The following PLCXD3 variants were observed in gnomAD, a reference collection of about 807,000 sequenced individuals.
PLCXD3 encodes the protein phosphatidylinositol specific phospholipase C X domain containing 3, also known as PI-PLC X domain-containing protein 3.
A neutral mutation model predicts 25.5 loss-of-function variants in PLCXD3; 19 were observed. The observed-to-expected ratio is 0.75, with a 90% CI of 0.52 to 1.09. The LOEUF (loss-of-function observed/expected upper bound fraction) is 1.09. Ranked by LOEUF, PLCXD3 falls within the 50% of genes least tolerant of loss-of-function variation. The probability of loss-of-function intolerance (pLI) is 0.00; values close to 1 mark genes in which losing one functional copy is unlikely to be tolerated. For synonymous variants in PLCXD3, 174 were observed against 137.6 expected, an observed-to-expected ratio of 1.26 and a Z score of -1.85; for missense variants, 411 against 388.1, an observed-to-expected ratio of 1.06 and a Z score of -0.50.
At chr5:41,381,163 A>C (rs563072518) in intron 2 of PLCXD3, among the ~76,000 whole-genome samples, 1 of 152,140 alleles carries the variant, frequency 6.6e-6, no homozygotes, top group Non-Finnish European at 1.5e-5. Flanking sequence ...ATGCATTTCA[A>C]ATGGAATTAG....
rs144079302 is a variant in PLCXD3, at chr5:41,472,426, T to C, written c.103+37998A>G. Among the ~76,000 whole-genome samples, 71 of 152,322 alleles carry C rather than the reference T, an allele frequency of 4.7e-4. No individual in the cohort carries two copies. In the East Asian group the frequency reaches 0.014, roughly 29 times the overall value. ...TTCTCATGACTTTAGATTTCCTGGC[T>C]ACAAAACCCAGCAAGAGATTTTAAG... On this transcript the variant is annotated intron_variant, in intron 1 of 2. Transcript: ENST00000377801.
At chr5:41,474,086 G>A (rs1561283932) in intron 1 of PLCXD3, among the ~76,000 whole-genome samples, 1 of 152,142 alleles carries the variant, frequency 6.6e-6, no homozygotes. Context: ...AAGGGATGAA[G>A]GTAGAAATGA....
At chr5:41,397,455 G>T (rs183869380) in intron 1 of PLCXD3, among the ~76,000 whole-genome samples, 1 of 152,318 alleles carries the variant, frequency 6.6e-6, no homozygotes, top group Admixed American at 6.5e-5. Flanking sequence ...AGATTTCAGA[G>T]GATGTATGAA....
At chr5:41,411,178 C>A (rs757955536) in intron 1 of PLCXD3, among the ~76,000 whole-genome samples, 3 of 152,198 alleles carry the variant, frequency 2.0e-5, no homozygotes, top group Non-Finnish European at 4.4e-5. Context: ...GATTTGAGAA[C>A]CAAGAAGGCC....
At chr5:41,499,565 C>G (rs1053523194) in intron 1 of PLCXD3, among the ~76,000 whole-genome samples, 4 of 151,854 alleles carry the variant, frequency 2.6e-5, no homozygotes, top group Admixed American at 2.6e-4. Flanking sequence ...AATGTTACCA[C>G]TCCCCAAAGG....
intron 1 of PLCXD3, among the ~76,000 whole-genome samples, chr5:41,407,331 T>C (rs1244476586): frequency 2.0e-5 from 3 of 152,206 alleles, no homozygotes; most frequent in Admixed American, 6.5e-5. Flanking sequence ...AAAATACTTC[T>C]ACTTGATTTG....
At chr5:41,480,015 T>C (rs1748363567) in intron 1 of PLCXD3, among the ~76,000 whole-genome samples, 1 of 152,194 alleles carries the variant, frequency 6.6e-6, no homozygotes. Context: ...AAGCATTGTC[T>C]CAAAGTTTGG....
intron 1 of PLCXD3, among the ~76,000 whole-genome samples, chr5:41,487,404 CAG>C (rs1748543614): frequency 6.6e-6 from 1 of 152,132 alleles, no homozygotes; most frequent in East Asian, 1.9e-4. Flanking sequence ...TGTGCAAGGG[CAG>C]AGTCTTTCTA....
At chr5:41,409,692 G>A (rs1439474463) in intron 1 of PLCXD3, among the ~76,000 whole-genome samples, 3 of 152,002 alleles carry the variant, frequency 2.0e-5, no homozygotes, top group Admixed American at 6.6e-5. Context: ...TGTCTTGTTC[G>A]CTATTGTGCC....
chr5:41,363,314 A>G (rs2150485864), intron 2 of PLCXD3, among the ~76,000 whole-genome samples: 1 of 152,324 alleles, frequency 6.6e-6, no homozygotes, highest in South Asian at 2.1e-4. Flanking sequence ...AGTCACTAGC[A>G]TACACTCAGT....
chr5:41,357,213 C>T (rs1268215676), intron 2 of PLCXD3, among the ~76,000 whole-genome samples: 4 of 152,224 alleles, frequency 2.6e-5, no homozygotes, highest in Admixed American at 2.6e-4. Context: ...CTTTCAATGG[C>T]TCCCTGAAGG....
intron 2 of PLCXD3, among the ~76,000 whole-genome samples, chr5:41,370,638 C>A (rs1174244244): frequency 6.6e-6 from 1 of 152,080 alleles, no homozygotes; most frequent in Non-Finnish European, 1.5e-5. Flanking sequence ...GTCAGAGTCA[C>A]CCTTGTTTAT....
intron 1 of PLCXD3, among the ~76,000 whole-genome samples, chr5:41,399,415 G>A (rs1173958262): frequency 1.3e-5 from 2 of 152,066 alleles, no homozygotes; most frequent in Non-Finnish European, 2.9e-5. Flanking sequence ...TTACAAAACT[G>A]AAGGAATCAC....
At chr5:41,491,704 C>T (rs1748700468) in intron 1 of PLCXD3, among the ~76,000 whole-genome samples, 1 of 151,864 alleles carries the variant, frequency 6.6e-6, no homozygotes, top group Non-Finnish European at 1.5e-5. Flanking sequence ...TTCTTTGTCT[C>T]TTTTGATCTT....
At chr5:41,348,301 G>T (rs890633541) in intron 2 of PLCXD3, among the ~76,000 whole-genome samples, 1 of 152,068 alleles carries the variant, frequency 6.6e-6, no homozygotes, top group South Asian at 2.1e-4. Flanking sequence ...TAGTAATTGC[G>T]CAAAGGTAGG....
At chr5:41,433,474 G>T (rs911961603) in intron 1 of PLCXD3, among the ~76,000 whole-genome samples, 1 of 152,000 alleles carries the variant, frequency 6.6e-6, no homozygotes, top group Admixed American at 6.6e-5. Flanking sequence ...CCTCCCTATT[G>T]TAAAGTATTC....
rs181323986 is a variant in PLCXD3 at position 41,438,177 on chromosome 5, C to T, written c.104-55643G>A. Among the ~76,000 whole-genome samples, 270 of 152,192 alleles carry T rather than the reference C, an allele frequency of 1.8e-3. 2 individuals are homozygous for T. The highest frequency in any genetic ancestry group is 6.2e-3 in the African/African-American group (258 of 41,496). Reference sequence around the variant, plus strand: ...AACTGCCACCAACTTAGAACAGCCCCGACAGACTTATGTGAGAAGAAAATT... The same window carrying T: ...AACTGCCACCAACTTAGAACAGCCCTGACAGACTTATGTGAGAAGAAAATT... On this transcript the variant is annotated intron_variant, in intron 1 of 2. Transcript: ENST00000377801.
At chr5:41,481,872 C>T (rs907562834) in intron 1 of PLCXD3, among the ~76,000 whole-genome samples, 1 of 152,166 alleles carries the variant, frequency 6.6e-6, no homozygotes, top group African/African-American at 2.4e-5. Flanking sequence ...TTAGGTCAGG[C>T]CTTCATCTGA....
At chr5:41,407,625 A>G (rs1053418643) in intron 1 of PLCXD3, among the ~76,000 whole-genome samples, 1 of 152,224 alleles carries the variant, frequency 6.6e-6, no homozygotes, top group African/African-American at 2.4e-5. Context: ...AAGACAACAC[A>G]CAATATGTAT....
Sources: allele counts gnomAD v4.1 joint callset (sites outside exome capture counted in the v4.1 genomes callset), GRCh38; gene constraint gnomAD v4.1.1; transcripts MANE v1.5; gene names NCBI Gene and HGNC (gene_info 2026-07-23, HGNC 2026-07-21).